MAPK14: variants seen among roughly 807,000 people sequenced by gnomAD.
MAPK14 encodes the protein mitogen-activated protein kinase 14, also known as CSAID-binding protein.
A neutral mutation model predicts 49.6 loss-of-function variants in MAPK14; 16 were observed. The ratio of observed to expected loss-of-function variants is 0.32; its 90% CI spans 0.22 to 0.49. The LOEUF is 0.49. MAPK14 is among the 20% of genes least tolerant of loss of function. The probability of loss-of-function intolerance (pLI) is 0.99; values close to 1 mark genes in which losing one functional copy is unlikely to be tolerated. For synonymous variants in MAPK14, 142 were observed against 158.0 expected (o/e 0.90, Z 0.76); for missense variants, 200 against 441.2 (o/e 0.45, Z 4.90).
In MAPK14 at chr6:36,059,321, A is replaced by G. The variant is rs368125769; in HGVS notation, c.279A>G (p.Ala93=). Residue 93 remains alanine (A), a synonymous_variant, in exon 3 of 12, where the codon GCA becomes GCG. Transcript: ENST00000229794. ...GTCTGTTGGACGTTTTTACACCTGCAAGGTCTCTGGAGGAATTCAATGATG... is the reference window on the plus strand; with the variant it reads ...GTCTGTTGGACGTTTTTACACCTGCGAGGTCTCTGGAGGAATTCAATGATG... ...VIGLLDVFTP[A]RSLEEFNDVY... 1.9e-6 allele frequency: 3 copies of G among 1,612,252 alleles called. No homozygotes were observed. Among genetic ancestry groups the G allele is most frequent in the Admixed American group, 1.7e-5 (1 of 59,988 alleles).
chr6:36,059,132 C>T (rs981864969), intron 2 of MAPK14, among the ~76,000 whole-genome samples, 157 bp from the exon 3 acceptor site: 18 of 152,132 alleles, frequency 1.2e-4, no homozygotes, highest in Admixed American at 2.6e-4. Flanking sequence ...TCAGGTGATC[C>T]GCCCGCCTCG....
In MAPK14 at chr6:36,110,886, A is replaced by G. The variant is rs1765946383; in HGVS notation, c.*2439A>G. On this transcript the variant is annotated 3_prime_UTR_variant, in exon 12 of 12. Coordinates refer to ENST00000229794, the MANE Select transcript of MAPK14 (RefSeq NM_139012.3). ...GACAGATCTTAATACTACTCCTAAC[A>G]TTTAGAAAATGTTGATAAAGCTTCT... 4 of 152,382 alleles carry G rather than the reference A, an allele frequency of 2.6e-5. No individual in the cohort carries two copies. The South Asian group carries it at 8.3e-4, about 32-fold the overall frequency. The allele number at this position is 152,382 out of a possible 1,614,324, so 9.4% of individuals were successfully genotyped here.
intron 3 of MAPK14, among the ~76,000 whole-genome samples, chr6:36,063,810 C>A (rs562628150): frequency 3.0e-4 from 46 of 152,188 alleles, no homozygotes; most frequent in African/African-American, 1.0e-3. Flanking sequence ...TCTTGACCAC[C>A]ATAGGATGTG....
chr6:36,110,094 A>C lies in MAPK14; in HGVS notation c.*1647A>C, dbSNP rs1307332115. ...GAAGTGTCGTTTTCATAACTTGCTG[A>C]ATTTCAGGCATTTTGTTCTACATGA... On this transcript the variant is annotated 3_prime_UTR_variant, in exon 12 of 12. Transcript: ENST00000229794. The C allele has an allele frequency of 1.3e-5, 2 of 152,210 alleles. No individual in the cohort carries two copies. The allele number at this position is 152,210 out of a possible 1,614,324, so 9.4% of individuals were successfully genotyped here.
intron 8 of MAPK14, among the ~76,000 whole-genome samples, chr6:36,094,182 A>G (rs1765358809): frequency 6.6e-6 from 1 of 152,172 alleles, no homozygotes; most frequent in Admixed American, 6.5e-5. Context: ...GATTTTTGCC[A>G]TTTGCAGATG....
intron 11 of MAPK14, 21 bp from the exon 12 acceptor site, chr6:36,108,359 C>T (rs1385925488): frequency 2.5e-6 from 4 of 1,601,116 alleles, no homozygotes; most frequent in Non-Finnish European, 3.4e-6. Context: ...TCACATCTTA[C>T]TTTTCCTTCC....
chr6:36,028,230 C>T lies in MAPK14; in HGVS notation c.73C>T (p.Gln25Ter). 6.2e-7 allele frequency: 1 copy of T among 1,613,908 alleles called. No individual in the cohort carries two copies. The highest frequency in any genetic ancestry group is 1.1e-5 in the South Asian group (1 of 91,076). The part of the protein sequence containing the change: ...KTIWEVPERY[Q>*]NLSPVGSGAY... Reference sequence around the variant, plus strand: ...AATCTGGGAGGTGCCCGAGCGTTACCAGAACCTGTCTCCAGTGGGCTCTGG... The same window carrying T: ...AATCTGGGAGGTGCCCGAGCGTTACTAGAACCTGTCTCCAGTGGGCTCTGG... The change falls in exon 1 of 12, where the codon CAG (glutamine) becomes TAG (stop). Residue 25 changes from glutamine to a stop codon, truncating the protein, a stop_gained. Transcript: ENST00000229794. LOFTEE classifies it high-confidence loss of function. The surrounding 1 kb of genome is among the most constrained non-coding windows in gnomAD (Gnocchi z 5.1).
At chr6:36,121,698 C>T in the MAPK14 span, among the ~76,000 whole-genome samples, 1 of 152,122 alleles carries the variant, frequency 6.6e-6, no homozygotes, top group Non-Finnish European at 1.5e-5. Context: ...TTGCAATGTT[C>T]TTTCTACTTA....
At chr6:36,052,002 T>G (rs1208516912) in intron 1 of MAPK14, among the ~76,000 whole-genome samples, 3 of 152,108 alleles carry the variant, frequency 2.0e-5, no homozygotes, top group Non-Finnish European at 2.9e-5. Context: ...CTAGCTAAAG[T>G]GGTATAACTC....
chr6:36,079,790 C>G (rs961667407), intron 8 of MAPK14, among the ~76,000 whole-genome samples: 2 of 152,094 alleles, frequency 1.3e-5, no homozygotes, highest in African/African-American at 2.4e-5. Flanking sequence ...GTTATAGGCA[C>G]CAGCTGCCTG....
At position 36,083,655 on chromosome 6, in the gene MAPK14, G is replaced by A. The variant is rs552455768; in HGVS notation, c.682+7047G>A. On this transcript the variant is annotated intron_variant, in intron 8 of 11. Transcript: ENST00000229794. ...CCTACACGGGGCAGGGCCTCTCTGC[G>A]GGAATTTCAGCAACTCCAGCCAGGG... Among the ~76,000 whole-genome samples, 7 of 152,316 alleles carry A rather than the reference G, an allele frequency of 4.6e-5. No individual in the cohort carries two copies. The South Asian group carries it at 1.2e-3, about 27-fold the overall frequency.
intron 3 of MAPK14, among the ~76,000 whole-genome samples, chr6:36,071,473 C>A (rs1581786464): frequency 1.3e-5 from 2 of 152,110 alleles, no homozygotes; most frequent in Non-Finnish European, 2.9e-5. Context: ...TGTAATCATT[C>A]CCTAATCTTA....
chr6:36,046,066 G>T (rs1362076230), intron 1 of MAPK14, among the ~76,000 whole-genome samples: 1 of 152,114 alleles, frequency 6.6e-6, no homozygotes, highest in Non-Finnish European at 1.5e-5. Context: ...ACAAGGGGAG[G>T]CAAGTATGAA....
intron 3 of MAPK14, 60 bp from the exon 4 acceptor site, chr6:36,072,813 T>C (rs1342713050): frequency 1.1e-6 from 1 of 937,774 alleles, no homozygotes; most frequent in Non-Finnish European, 1.7e-6. Context: ...AAAAGTCTTC[T>C]GAAGATAAGA....
intron 8 of MAPK14, chr6:36,076,843 GTCTT>G (rs2127446349): frequency 5.2e-6 from 2 of 386,566 alleles, no homozygotes; most frequent in East Asian, 8.9e-5. Context: ...CATCAAGTCT[GTCTT>G]CTTTTTGCAA....
chr6:36,101,617 G>T (rs1334687521), intron 9 of MAPK14, among the ~76,000 whole-genome samples: 5 of 151,658 alleles, frequency 3.3e-5, no homozygotes. Flanking sequence ...CTGCTCAAGC[G>T]ATCCTGTTAC....
At chr6:36,059,128 G>C (rs1480701693) in intron 2 of MAPK14, among the ~76,000 whole-genome samples, 161 bp from the exon 3 acceptor site, 1 of 152,098 alleles carries the variant, frequency 6.6e-6, no homozygotes. Context: ...GACTTCAGGT[G>C]ATCCGCCCGC....
the MAPK14 span, among the ~76,000 whole-genome samples, chr6:36,119,288 A>G: frequency 2.6e-5 from 4 of 152,224 alleles, no homozygotes; most frequent in African/African-American, 7.2e-5. Context: ...AAACCTAGAA[A>G]CCATGCAGGA....
At chr6:36,104,476 C>T (rs537139497) in intron 10 of MAPK14, among the ~76,000 whole-genome samples, 2 of 152,110 alleles carry the variant, frequency 1.3e-5, no homozygotes, top group East Asian at 3.9e-4. Flanking sequence ...CAAGCTCCAC[C>T]TCCCGGCTTT....
Sources: gnomAD v4.1 joint callset for allele counts (sites outside exome capture counted in the v4.1 genomes callset) on GRCh38, gnomAD v4.1.1 for gene constraint, Gnocchi (gnomAD v3.1) non-coding constraint, MANE v1.5 for transcripts, NCBI Gene and HGNC (gene_info 2026-07-23, HGNC 2026-07-21) for gene names.